TAFA2: variants seen among roughly 807,000 people sequenced by gnomAD.
The protein encoded by TAFA2 is TAFA chemokine like family member 2, also known as chemokine-like protein TAFA-2.
In TAFA2, 7 loss-of-function variants were observed where a neutral mutation model predicts 18.8. The ratio of observed to expected loss-of-function variants is 0.37; its 90% CI spans 0.21 to 0.70. The LOEUF (loss-of-function observed/expected upper bound fraction) is 0.70, where lower values mean the gene tolerates loss of function less well. Among genes scored for constraint, TAFA2 ranks in the 30% least tolerant of loss-of-function variants. The pLI, the probability that TAFA2 is intolerant of heterozygous loss-of-function variation, is 0.53. For synonymous variants in TAFA2, 60 were observed against 54.2 expected (o/e 1.11, Z -0.47); for missense variants, 122 against 158.1 (o/e 0.77, Z 1.23).
At chr12:62,060,517 T>C (rs1372202971) in intron 1 of TAFA2, among the ~76,000 whole-genome samples, 2 of 152,224 alleles carry the variant, frequency 1.3e-5, no homozygotes, top group Non-Finnish European at 2.9e-5. Flanking sequence ...TAACAATAAA[T>C]GACAATGTTA....
At chr12:61,724,897 T>C (rs1170772466) in intron 4 of TAFA2, among the ~76,000 whole-genome samples, 1 of 151,264 alleles carries the variant, frequency 6.6e-6, no homozygotes, top group Non-Finnish European at 1.5e-5. Flanking sequence ...ATCTCCACAC[T>C]GTTTTGCATA....
At chr12:61,964,707 G>A (rs867421919) in intron 1 of TAFA2, among the ~76,000 whole-genome samples, 1 of 151,724 alleles carries the variant, frequency 6.6e-6, no homozygotes, top group Non-Finnish European at 1.5e-5. Flanking sequence ...TCTGACTATA[G>A]GGCACAGTGT....
chr12:62,135,617 G>A (rs1055224844), intron 1 of TAFA2, among the ~76,000 whole-genome samples: 1 of 151,910 alleles, frequency 6.6e-6, no homozygotes, highest in Non-Finnish European at 1.5e-5. Flanking sequence ...TTCACATATG[G>A]TAAAACAACA....
chr12:62,214,527 AC>A (rs1262593184), intron 1 of TAFA2, among the ~76,000 whole-genome samples: 1 of 152,050 alleles, frequency 6.6e-6, no homozygotes, highest in Admixed American at 6.6e-5. Flanking sequence ...GAATTAATAC[AC>A]CCCCAAAAAT....
intron 4 of TAFA2, among the ~76,000 whole-genome samples, chr12:61,730,925 T>C (rs760919230): frequency 1.3e-5 from 2 of 152,024 alleles, no homozygotes; most frequent in Non-Finnish European, 2.9e-5. Context: ...CACTTCCAAT[T>C]TGCACCCCCA....
At chr12:61,714,831 C>T (rs1055335496) in intron 4 of TAFA2, among the ~76,000 whole-genome samples, 1 of 152,072 alleles carries the variant, frequency 6.6e-6, no homozygotes, top group African/African-American at 2.4e-5. Flanking sequence ...TCCTTGTTCC[C>T]CCTGTTCAAG....
chr12:62,092,819 G>C (rs1427826911), intron 1 of TAFA2, among the ~76,000 whole-genome samples: 2 of 151,908 alleles, frequency 1.3e-5, no homozygotes, highest in Non-Finnish European at 2.9e-5. Flanking sequence ...TTCTATCAAG[G>C]AAAGAAGGGC....
At chr12:61,880,054 GGT>G in intron 1 of TAFA2, 1 of 689,512 alleles carries the variant, frequency 1.5e-6, no homozygotes, top group Non-Finnish European at 2.6e-6. Context: ...ACACGTCTGT[GGT>G]GCTGTCCATA....
intron 1 of TAFA2, among the ~76,000 whole-genome samples, chr12:62,095,745 T>C (rs1868922056): frequency 6.6e-6 from 1 of 152,136 alleles, no homozygotes; most frequent in South Asian, 2.1e-4. Flanking sequence ...GTTAGTCTCA[T>C]GTGTAGGCTT....
intron 1 of TAFA2, among the ~76,000 whole-genome samples, chr12:61,956,949 T>C (rs1254388462): frequency 4.6e-5 from 7 of 152,148 alleles, no homozygotes; most frequent in Non-Finnish European, 1.0e-4. Flanking sequence ...AAGTACTATC[T>C]GCTTGCAGTG....
chr12:62,121,171 A>C (rs1352105050), intron 1 of TAFA2, among the ~76,000 whole-genome samples: 1 of 152,140 alleles, frequency 6.6e-6, no homozygotes, highest in Non-Finnish European at 1.5e-5. Context: ...GCTCAGTATC[A>C]CATTCCCTAT....
intron 1 of TAFA2, among the ~76,000 whole-genome samples, chr12:62,167,318 C>T (rs1468130571): frequency 6.6e-6 from 1 of 152,066 alleles, no homozygotes; most frequent in Non-Finnish European, 1.5e-5. Context: ...AAAAAGCAAG[C>T]TTTAAAAACT....
intron 1 of TAFA2, among the ~76,000 whole-genome samples, chr12:62,103,267 C>A (rs1204716457): frequency 6.6e-6 from 1 of 152,224 alleles, no homozygotes; most frequent in Non-Finnish European, 1.5e-5. Flanking sequence ...CTGACTACTT[C>A]TTCAAATCTG....
At chr12:61,907,441 TG>T (rs1484636283) in intron 1 of TAFA2, among the ~76,000 whole-genome samples, 1 of 152,184 alleles carries the variant, frequency 6.6e-6, no homozygotes, top group Admixed American at 6.5e-5. Context: ...TTGGGCCTGT[TG>T]GTGCAGAGAA....
intron 2 of TAFA2, among the ~76,000 whole-genome samples, chr12:61,759,998 G>A (rs1019733478): frequency 6.6e-6 from 1 of 150,688 alleles, no homozygotes; most frequent in Non-Finnish European, 1.5e-5. Flanking sequence ...GATGCTAGAT[G>A]TTAGGAGATT....
chr12:62,184,010 T>G (rs1222462351), intron 1 of TAFA2, among the ~76,000 whole-genome samples: 1 of 152,110 alleles, frequency 6.6e-6, no homozygotes, highest in Non-Finnish European at 1.5e-5. Flanking sequence ...ATTACTAAAT[T>G]ATAAGATTAA....
At chr12:62,255,413 A>C (rs2062933479) in intron 1 of TAFA2, 1 of 152,230 alleles carries the variant, frequency 6.6e-6, no homozygotes, top group African/African-American at 2.4e-5. Context: ...GAATGGGATA[A>C]ATTAACACTT....
At chr12:62,194,745 ACTT>A (rs2062642094), upstream of TAFA2, among the ~76,000 whole-genome samples, 1 of 152,166 alleles carries the variant, frequency 6.6e-6, no homozygotes, top group South Asian at 2.1e-4. Flanking sequence ...TTTTGTTGAT[ACTT>A]CTTACCTTCT....
intron 1 of TAFA2, among the ~76,000 whole-genome samples, chr12:62,086,457 C>T (rs2136826946): frequency 6.6e-6 from 1 of 152,148 alleles, no homozygotes; most frequent in South Asian, 2.1e-4. Context: ...TAACAACAAA[C>T]CAACCATCCA....
Sources: allele counts gnomAD v4.1 joint callset (sites outside exome capture counted in the v4.1 genomes callset), GRCh38; gene constraint gnomAD v4.1.1; transcripts MANE v1.5; gene names NCBI Gene and HGNC (gene_info 2026-07-23, HGNC 2026-07-21).